Variants in DYNC1I1 observed in about 807,000 individuals in gnomAD.
DYNC1I1 encodes cytoplasmic dynein 1 intermediate chain 1.
A neutral mutation model predicts 86.6 loss-of-function variants in DYNC1I1; 43 were observed. The observed-to-expected ratio is 0.50, with a 90% CI of 0.39 to 0.64. The LOEUF (loss-of-function observed/expected upper bound fraction) is 0.64. DYNC1I1 is among the 30% of genes least tolerant of loss of function. The pLI is 0.00. For synonymous variants in DYNC1I1, 262 were observed against 283.7 expected (o/e 0.92, Z 0.77); for missense variants, 604 against 788.8 (o/e 0.77, Z 2.81).
At chr7:95,930,819 G>A (rs576676614) in intron 6 of DYNC1I1, among the ~76,000 whole-genome samples, 1 of 152,124 alleles carries the variant, frequency 6.6e-6, no homozygotes, top group Non-Finnish European at 1.5e-5. Flanking sequence ...AACATAACAG[G>A]GTAGCTTGTC....
rs540198998 is a variant in DYNC1I1 at position 95,900,130 on chromosome 7, C to T, written c.490+30132C>T. On this transcript the variant is annotated intron_variant, in intron 6 of 16. Coordinates refer to ENST00000447467, the MANE Select transcript of DYNC1I1 (RefSeq NM_001135556.2). ...GCTTGTCTGTAGAGGGCGTCCGAGG[C>T]TCCATGGATAGTGAGGTCCATCCTA... Among the ~76,000 whole-genome samples the T allele has an allele frequency of 2.3e-3, 348 of 152,274 alleles. 3 individuals are homozygous for T. Among genetic ancestry groups the T allele is most frequent in the Non-Finnish European group, 4.1e-3 (281 of 68,014 alleles).
In DYNC1I1 at chr7:95,926,937, A is replaced by G. The variant is rs556318046; in HGVS notation, c.491-50575A>G. Among the ~76,000 whole-genome samples the G allele has an allele frequency of 7.9e-5, 12 of 152,274 alleles. No homozygotes were observed. The East Asian group carries it at 2.3e-3, about 29-fold the overall frequency. ...TAGATACAGAGTGTGTGTTCAAACT[A>G]GTTTTTTCATTTGTTAAGGTGCTTT... On this transcript the variant is annotated intron_variant, in intron 6 of 16. Transcript: ENST00000447467.
At chr7:96,104,242 AGAG>A (rs1030674870) in intron 16 of DYNC1I1, among the ~76,000 whole-genome samples, 2 of 152,158 alleles carry the variant, frequency 1.3e-5, no homozygotes, top group African/African-American at 4.8e-5. Context: ...TTATTAATTT[AGAG>A]GAGTTCTTTA....
intron 5 of DYNC1I1, among the ~76,000 whole-genome samples, chr7:95,857,194 G>A (rs1464563358): frequency 6.6e-6 from 1 of 152,090 alleles, no homozygotes; most frequent in Non-Finnish European, 1.5e-5. Context: ...TTCCAGAATT[G>A]CACCTGTGTC....
chr7:95,999,284 G>A (rs536531515), intron 10 of DYNC1I1, among the ~76,000 whole-genome samples: 1 of 152,252 alleles, frequency 6.6e-6, no homozygotes, highest in East Asian at 1.9e-4. Flanking sequence ...TCTGCGTTGA[G>A]GTAAATGTAA....
intron 6 of DYNC1I1, among the ~76,000 whole-genome samples, chr7:95,877,392 A>T (rs1790339023): frequency 6.6e-6 from 1 of 152,174 alleles, no homozygotes; most frequent in East Asian, 1.9e-4. Context: ...GACCAGAAGC[A>T]ATAGCAGTAC....
chr7:95,968,312 A>G (rs1793070549), intron 6 of DYNC1I1, among the ~76,000 whole-genome samples: 3 of 152,138 alleles, frequency 2.0e-5, no homozygotes, highest in Admixed American at 1.3e-4. Flanking sequence ...AACATGTACT[A>G]ATATTAGTGG....
intron 9 of DYNC1I1, among the ~76,000 whole-genome samples, chr7:95,992,518 A>G (rs1793755505): frequency 6.6e-6 from 1 of 152,152 alleles, no homozygotes; most frequent in South Asian, 2.1e-4. Flanking sequence ...TGAGTAAACC[A>G]TTGCCTACCT....
chr7:96,027,517 A>G (rs1794709767), intron 10 of DYNC1I1, among the ~76,000 whole-genome samples: 1 of 152,138 alleles, frequency 6.6e-6, no homozygotes, highest in Non-Finnish European at 1.5e-5. Context: ...ACTGAGATCC[A>G]TTTCTGGTTG....
chr7:95,872,241 G>A (rs1387868203), intron 6 of DYNC1I1, among the ~76,000 whole-genome samples: 4 of 152,176 alleles, frequency 2.6e-5, no homozygotes, highest in Middle Eastern at 3.2e-3. Flanking sequence ...GCCTTTCAGC[G>A]GCAGGAAACA....
At chr7:95,907,325 C>A (rs562243145) in intron 6 of DYNC1I1, among the ~76,000 whole-genome samples, 8 of 152,172 alleles carry the variant, frequency 5.3e-5, no homozygotes, top group African/African-American at 1.9e-4. Context: ...TGTGTGCTTT[C>A]ATAAGCCACC....
At chr7:96,047,522 G>A (rs906213175) in intron 14 of DYNC1I1, among the ~76,000 whole-genome samples, 3 of 152,200 alleles carry the variant, frequency 2.0e-5, no homozygotes, top group Admixed American at 6.5e-5. Flanking sequence ...GAAATACACA[G>A]ATGGCAAGGC....
At chr7:95,870,216 A>G (rs184039866) in intron 6 of DYNC1I1, among the ~76,000 whole-genome samples, 8 of 152,364 alleles carry the variant, frequency 5.3e-5, no homozygotes, top group African/African-American at 1.9e-4. Context: ...AGATAAACTA[A>G]AGAGGTTTAT....
intron 9 of DYNC1I1, among the ~76,000 whole-genome samples, chr7:95,987,623 C>T (rs1198958692): frequency 6.6e-6 from 1 of 152,138 alleles, no homozygotes; most frequent in African/African-American, 2.4e-5. Flanking sequence ...GTCATGCTCT[C>T]AACCCCTGCT....
intron 5 of DYNC1I1, among the ~76,000 whole-genome samples, chr7:95,846,584 G>T (rs541959547): frequency 1.5e-4 from 22 of 151,200 alleles, no homozygotes; most frequent in African/African-American, 4.8e-4. Flanking sequence ...CCAGTACTTG[G>T]AGAAAAATAC....
chr7:96,080,885 C>T lies in DYNC1I1; in HGVS notation c.1776+397C>T, dbSNP rs371520112. ...AGGAGTTCGAGACCAGGCTGGCCAACGTAGTGAAATCCCATCTCTACTAAA... is the reference window on the plus strand; with the variant it reads ...AGGAGTTCGAGACCAGGCTGGCCAATGTAGTGAAATCCCATCTCTACTAAA... On this transcript the variant is annotated intron_variant, in intron 16 of 16. Coordinates refer to ENST00000447467, the MANE Select transcript of DYNC1I1 (RefSeq NM_001135556.2). 1.2e-3 allele frequency among the ~76,000 whole-genome samples: 189 copies of T among 152,014 alleles called. 1 individual carries two copies. The Middle Eastern group carries it at 0.02, about 16-fold the overall frequency.
intron 1 of DYNC1I1, among the ~76,000 whole-genome samples, chr7:95,803,861 A>G (rs1794641478): frequency 6.6e-6 from 1 of 152,160 alleles, no homozygotes; most frequent in South Asian, 2.1e-4. Context: ...AATCATTGGT[A>G]ATTAGTAAGA....
At chr7:95,773,401 C>T (rs1257869656) in intron 1 of DYNC1I1, among the ~76,000 whole-genome samples, 1 of 152,174 alleles carries the variant, frequency 6.6e-6, no homozygotes, top group African/African-American at 2.4e-5. Flanking sequence ...GGCTCTCCTT[C>T]CCCCGCTCCC....
intron 10 of DYNC1I1, among the ~76,000 whole-genome samples, chr7:96,024,124 A>G (rs1794619688): frequency 6.6e-6 from 1 of 152,208 alleles, no homozygotes; most frequent in Non-Finnish European, 1.5e-5. Context: ...TGGCCACATC[A>G]ATGAAATCAA....
Sources: gnomAD v4.1 joint callset for allele counts (sites outside exome capture counted in the v4.1 genomes callset) on GRCh38, gnomAD v4.1.1 for gene constraint, MANE v1.5 for transcripts, NCBI Gene and HGNC (gene_info 2026-07-23, HGNC 2026-07-21) for gene names.